FBXO41: variants seen among roughly 807,000 people sequenced by gnomAD.
FBXO41 encodes F-box protein 41.
A neutral mutation model predicts 81.6 loss-of-function variants in FBXO41; 33 were observed. The observed-to-expected ratio is 0.40, with a 90% CI of 0.31 to 0.54. The LOEUF (loss-of-function observed/expected upper bound fraction) is 0.54, where lower values mean the gene tolerates loss of function less well. FBXO41 is among the 20% of genes least tolerant of loss of function. The pLI, the probability that FBXO41 is intolerant of heterozygous loss-of-function variation, is 0.39. For synonymous variants in FBXO41, 576 were observed against 552.7 expected, an observed-to-expected ratio of 1.04 and a Z score of -0.59; for missense variants, 1,107 against 1,236.0, an observed-to-expected ratio of 0.90 and a Z score of 1.56.
chr2:73,269,084 G>A lies in FBXO41; in HGVS notation c.547C>T (p.Pro183Ser), dbSNP rs773423316. Residue 183 changes from proline (P) to serine (S), a missense_variant, in exon 2 of 13, where the codon CCT (proline) becomes TCT (serine). Transcript: ENST00000520530. The surrounding 1 kb of genome is among the most constrained non-coding windows in gnomAD (Gnocchi z 7.0). ...PGPGPGPCPG[P>S]ASASPASPSP... ...GGGGACGCGGGCGAAGCGGAGGCAG[G>A]CCCGGGGCAAGGGCCGGGGCCGGGG... The A allele has an allele frequency of 2.7e-6, 4 of 1,509,394 alleles. No homozygotes were observed. The South Asian group carries it at 5.0e-5, about 19-fold the overall frequency. The allele number at this position is 1,509,394 out of a possible 1,614,324, so 93.5% of individuals were successfully genotyped here. A position where few individuals can be genotyped will look rare whatever the true frequency, so the allele number is the denominator to read the frequency against.
chr2:73,273,340 G>A (rs192317264), intron 1 of FBXO41, among the ~76,000 whole-genome samples: 25 of 126,418 alleles, frequency 2.0e-4, no homozygotes, highest in Middle Eastern at 8.0e-3. Flanking sequence ...AGTAAAGGGG[G>A]TCTGTGTCGA....
In FBXO41 at chr2:73,255,266, C is replaced by T. The variant is rs1687763932; in HGVS notation, c.*3716G>A. Reference sequence around the variant, plus strand: ...GGGCAGCCTTGGGACTGGCTGAGGTCCCAAGGGTTTGGGGAGGGAGTCGTT... The same window carrying T: ...GGGCAGCCTTGGGACTGGCTGAGGTTCCAAGGGTTTGGGGAGGGAGTCGTT... On this transcript the variant is annotated 3_prime_UTR_variant, in exon 13 of 13. Coordinates refer to ENST00000520530, the MANE Select transcript of FBXO41 (RefSeq NM_001371389.2). The T allele has an allele frequency of 6.5e-6, 1 of 152,824 alleles. No individual in the cohort carries two copies. The highest frequency in any genetic ancestry group is 1.5e-5 in the Non-Finnish European group (1 of 68,070). The allele number at this position is 152,824 out of a possible 1,614,324, so 9.5% of individuals were successfully genotyped here. A position where few individuals can be genotyped will look rare whatever the true frequency, so the allele number is the denominator to read the frequency against.
intron 1 of FBXO41, among the ~76,000 whole-genome samples, chr2:73,280,076 C>A (rs901496049): frequency 1.3e-5 from 2 of 152,034 alleles, no homozygotes; most frequent in Non-Finnish European, 2.9e-5. Context: ...TCAACCAATA[C>A]CCATGTTATA....
intron 9 of FBXO41, among the ~76,000 whole-genome samples, chr2:73,262,009 G>A (rs1458899771): frequency 6.6e-6 from 1 of 152,198 alleles, no homozygotes; most frequent in East Asian, 1.9e-4. Flanking sequence ...GATCACCTGA[G>A]GTCAGGAGTT....
chr2:73,282,786 C>T (rs1688884336), intron 1 of FBXO41, among the ~76,000 whole-genome samples: 2 of 152,128 alleles, frequency 1.3e-5, no homozygotes, highest in Non-Finnish European at 2.9e-5. Flanking sequence ...TGGATATCAC[C>T]AAACTCCCTC....
chr2:73,266,674 A>G lies in FBXO41; in HGVS notation c.914T>C (p.Val305Ala). The G allele has an allele frequency of 6.3e-7, 1 of 1,585,858 alleles. No individual in the cohort carries two copies. The highest frequency in any genetic ancestry group is 8.6e-7 in the Non-Finnish European group (1 of 1,166,800). ...QELSRKQQEV[V>A]QIDQFLKETA... ...CTCCTTCAGGAACTGGTCGATCTGC[A>G]CCACCTCCCTGGGCCCAGAGCAGTC... The change falls in exon 3 of 13, where the codon GTG (valine) becomes GCG (alanine). Residue 305 changes from valine to alanine, a missense_variant. Val to Ala is a moderately conservative substitution (Grantham distance 64). Around this residue, in one of 2 missense-constraint regions of FBXO41, gnomAD observed 771 missense variants for 789.2 expected, o/e 0.98. Transcript: ENST00000520530. This position sits in a 1 kb window ranked among gnomAD's most constrained non-coding sequence, Gnocchi z 5.3.
chr2:73,269,164 T>C lies in FBXO41; in HGVS notation c.467A>G (p.Glu156Gly), dbSNP rs1219119646. The change falls in exon 2 of 13, where the codon GAG (glutamate) becomes GGG (glycine). Residue 156 changes from glutamate (E) to glycine (G), a missense_variant. This residue lies in a region of FBXO41 where 771 missense variants were observed against 789.2 expected (regional missense o/e 0.98). Coordinates refer to ENST00000520530, the MANE Select transcript of FBXO41 (RefSeq NM_001371389.2). The surrounding 1 kb of genome is among the most constrained non-coding windows in gnomAD (Gnocchi z 7.0). ...ALREIEIPLGELFARKSVASS... is the reference protein window; with the variant it reads ...ALREIEIPLGGLFARKSVASS... ...CGCCACGGACTTGCGGGCGAACAGC[T>C]CCCCCAGCGGGATCTCGATCTCGCG... The C allele has an allele frequency of 1.8e-5, 27 of 1,523,866 alleles. No homozygotes were observed. The East Asian group carries it at 6.9e-4, about 39-fold the overall frequency. The allele number at this position is 1,523,866 out of a possible 1,614,324, so 94.4% of individuals were successfully genotyped here.
rs1367529220 is a variant in FBXO41, at chr2:73,260,057, T to C, written c.2449+332A>G. Among the ~76,000 whole-genome samples the C allele has an allele frequency of 1.3e-5, 2 of 150,942 alleles. No homozygotes were observed. Among genetic ancestry groups the C allele is most frequent in the Admixed American group, 1.3e-4 (2 of 15,206 alleles). On this transcript the variant is annotated intron_variant, in intron 11 of 12. Coordinates refer to ENST00000520530, the MANE Select transcript of FBXO41 (RefSeq NM_001371389.2). This position sits in a 1 kb window ranked among gnomAD's most constrained non-coding sequence, Gnocchi z 5.0. ...GATCTGGAGTCCAGGGAGAGAGGAG[T>C]CTTCACCCTGAGAACTGTCCTTGGG...
In FBXO41 at chr2:73,268,776, T is replaced by G; in HGVS notation, c.855A>C (p.Ser285=). 6.3e-7 allele frequency: 1 copy of G among 1,577,448 alleles called. No homozygotes were observed. Among genetic ancestry groups the G allele is most frequent in the Non-Finnish European group, 8.6e-7 (1 of 1,161,080 alleles). The change falls in exon 2 of 13, where the codon TCA becomes TCC. Residue 285 remains serine, a synonymous_variant. Coordinates refer to ENST00000520530, the MANE Select transcript of FBXO41 (RefSeq NM_001371389.2). ...QVDVSVELLA[S]LKQDLVHKEQ... is the part of the protein sequence containing the mutation. ...CCTTGTGCACCAGGTCCTGCTTGAG[T>G]GAGGCCAGCAGCTCTACGCTCACGT... is the stretch of plus-strand genomic sequence containing the variant.
chr2:73,273,868 C>T (rs776596632), intron 1 of FBXO41, among the ~76,000 whole-genome samples: 10 of 152,202 alleles, frequency 6.6e-5, no homozygotes, highest in Non-Finnish European at 1.5e-4. Context: ...AAATCCCAGA[C>T]TTCTCCTCAC....
In FBXO41 at chr2:73,268,715, G is replaced by A. The variant is rs780774282; in HGVS notation, c.905+11C>T. 1.5e-5 allele frequency: 23 copies of A among 1,520,874 alleles called. No individual in the cohort carries two copies. The African/African-American group carries it at 3.0e-4, about 20-fold the overall frequency. The allele number at this position is 1,520,874 out of a possible 1,614,324, so 94.2% of individuals were successfully genotyped here. On this transcript the variant is annotated intron_variant, in intron 2 of 12. Coordinates refer to ENST00000520530, the MANE Select transcript of FBXO41 (RefSeq NM_001371389.2). ...GCACAACCACTCACAGGGCCCCGAG[G>A]GTCTACTCACTGCTGCTTGCGGCTC...
At chr2:73,280,442 C>A (rs1338482457) in intron 1 of FBXO41, among the ~76,000 whole-genome samples, 1 of 152,194 alleles carries the variant, frequency 6.6e-6, no homozygotes, top group Non-Finnish European at 1.5e-5. Flanking sequence ...TGACATCCAC[C>A]CAGGCTTGCC....
rs556971576 is a variant in FBXO41, at chr2:73,266,701, C to T, written c.906-19G>A. 649 of 1,540,988 alleles carry T rather than the reference C, an allele frequency of 4.2e-4. 9 individuals are homozygous for T. In the South Asian group the frequency reaches 7.3e-3, roughly 17 times the overall value. ...CACCTCCCTGGGCCCAGAGCAGTCT[C>T]TTACCCCAGAGCCTCAGCCTGCCTG... On this transcript the variant is annotated intron_variant, in intron 2 of 12. Coordinates refer to ENST00000520530, the MANE Select transcript of FBXO41 (RefSeq NM_001371389.2). This position sits in a 1 kb window ranked among gnomAD's most constrained non-coding sequence, Gnocchi z 5.3.
chr2:73,266,069 GGAGAGGA>G lies in FBXO41; in HGVS notation c.1132-110_1132-104del, dbSNP rs1688263075. 9 of 1,005,394 alleles carry G rather than the reference GGAGAGGA, an allele frequency of 9.0e-6. No individual in the cohort carries two copies. Among genetic ancestry groups the G allele is most frequent in the Non-Finnish European group, 1.2e-5 (8 of 663,722 alleles). 62.3% of individuals were successfully genotyped at this position (1,005,394 alleles called of 1,614,324 possible). A position where few individuals can be genotyped will look rare whatever the true frequency, so the allele number is the denominator to read the frequency against. ...GGGCAAAAGATGGAGAGGAGATGGG[GGAGAGGA>G]GAGAGAAGGGAAAATAGTTGGGAAA... On this transcript the variant is annotated intron_variant, in intron 3 of 12. Coordinates refer to ENST00000520530, the MANE Select transcript of FBXO41 (RefSeq NM_001371389.2). This position sits in a 1 kb window ranked among gnomAD's most constrained non-coding sequence, Gnocchi z 5.3.
rs1277562914 is a variant in FBXO41 at position 73,256,097 on chromosome 2, A to T, written c.*2885T>A. 3 of 152,180 alleles carry T rather than the reference A, an allele frequency of 2.0e-5. No homozygotes were observed. Among genetic ancestry groups the T allele is most frequent in the African/African-American group, 7.2e-5 (3 of 41,440 alleles). 9.4% of individuals were successfully genotyped at this position (152,180 alleles called of 1,614,324 possible). ...AGGTACTGGGGCCAGACTGGATGGC[A>T]GGGGGTGGTAGAAACACCAAGTGGC... On this transcript the variant is annotated 3_prime_UTR_variant, in exon 13 of 13. Transcript: ENST00000520530.
At chr2:73,281,179 A>C (rs1227052075) in intron 1 of FBXO41, among the ~76,000 whole-genome samples, 1 of 152,200 alleles carries the variant, frequency 6.6e-6, no homozygotes, top group African/African-American at 2.4e-5. Flanking sequence ...GGTACACATA[A>C]ATGAATGAGA....
intron 1 of FBXO41, among the ~76,000 whole-genome samples, chr2:73,270,209 A>G (rs1441922824): frequency 6.6e-6 from 1 of 152,300 alleles, no homozygotes; most frequent in East Asian, 1.9e-4. Flanking sequence ...GATGGAGTTC[A>G]AGAACAGACA....
At chr2:73,264,770 C>T (rs1257090136) in intron 5 of FBXO41, among the ~76,000 whole-genome samples, 2 of 152,118 alleles carry the variant, frequency 1.3e-5, no homozygotes, top group Non-Finnish European at 2.9e-5. Flanking sequence ...CAAACTCACC[C>T]CCTACAAGAG....
intron 1 of FBXO41, among the ~76,000 whole-genome samples, chr2:73,280,458 T>G (rs984988475): frequency 2.2e-4 from 33 of 152,198 alleles, no homozygotes; most frequent in African/African-American, 6.3e-4. Flanking sequence ...TTGCCCACCC[T>G]CAAGACTGGC....
Sources: allele counts gnomAD v4.1 joint callset (sites outside exome capture counted in the v4.1 genomes callset), GRCh38; gene constraint gnomAD v4.1.1; regional missense constraint gnomAD v4.1.1; non-coding constraint Gnocchi (gnomAD v3.1); transcripts MANE v1.5; gene names NCBI Gene and HGNC (gene_info 2026-07-23, HGNC 2026-07-21).